AGAP1: variants seen among roughly 807,000 people sequenced by gnomAD.
AGAP1 encodes the protein ArfGAP with GTPase domain, ankyrin repeat and PH domain 1.
AGAP1 carries 29 observed loss-of-function variants against 105.3 expected under a neutral mutation model. That is an observed-to-expected ratio of 0.28 (90% CI 0.21 to 0.38). The LOEUF is 0.38. Among genes scored for constraint, AGAP1 ranks in the 10% least tolerant of loss-of-function variants. The pLI is 1.00. For missense variants in AGAP1, 998 were observed against 1,165.1 expected (o/e 0.86, Z 2.09); for synonymous variants, 509 against 485.9 (o/e 1.05, Z -0.63).
intron 1 of AGAP1, among the ~76,000 whole-genome samples, chr2:235,502,639 T>G (rs1459413304): frequency 6.6e-6 from 1 of 152,142 alleles, no homozygotes; most frequent in Non-Finnish European, 1.5e-5. Context: ...CTGTCTAATC[T>G]TTAAAACTGC....
In AGAP1 at chr2:235,552,465, T is replaced by C; in HGVS notation, c.163+57616T>C. Among the ~76,000 whole-genome samples, 1 of 152,142 alleles carries C rather than the reference T, an allele frequency of 6.6e-6. No homozygotes were observed. The highest frequency in any genetic ancestry group is 1.9e-4 in the East Asian group (1 of 5,178). ...AGAGCCATTGGCTGCTTGAGTGCAG[T>C]GCAGAGCACTGGGAAATGGACTTCC... On this transcript the variant is annotated intron_variant, in intron 1 of 17. Coordinates refer to ENST00000304032, the MANE Select transcript of AGAP1 (RefSeq NM_001037131.3). The surrounding 1 kb of genome is among the most constrained non-coding windows in gnomAD (Gnocchi z 5.9).
In AGAP1 at chr2:236,114,765, C is replaced by T. The variant is rs891758260; in HGVS notation, c.2115-5427C>T. Among the ~76,000 whole-genome samples, 5 of 152,204 alleles carry T rather than the reference C, an allele frequency of 3.3e-5. No individual in the cohort carries two copies. The highest frequency in any genetic ancestry group is 4.1e-4 in the South Asian group (2 of 4,832). On this transcript the variant is annotated intron_variant, in intron 16 of 17. Coordinates refer to ENST00000304032, the MANE Select transcript of AGAP1 (RefSeq NM_001037131.3). This position sits in a 1 kb window ranked among gnomAD's most constrained non-coding sequence, Gnocchi z 5.0. ...TCTCTTCCTGAAGACCCCATCTCCA[C>T]ATACAGCAACATTGAGGGTTAAAGC...
intron 13 of AGAP1, among the ~76,000 whole-genome samples, chr2:235,997,319 C>G (rs2125487836): frequency 6.6e-6 from 1 of 152,296 alleles, no homozygotes; most frequent in Admixed American, 6.5e-5. Flanking sequence ...GAACTCCTGA[C>G]CTCAGGTGAT....
At position 235,993,995 on chromosome 2, in the gene AGAP1, T is replaced by C. The variant is rs2055681994; in HGVS notation, c.1645+25372T>C. Among the ~76,000 whole-genome samples the C allele has an allele frequency of 6.6e-6, 1 of 152,098 alleles. No homozygotes were observed. Among genetic ancestry groups the C allele is most frequent in the Non-Finnish European group, 1.5e-5 (1 of 68,014 alleles). On this transcript the variant is annotated intron_variant, in intron 13 of 17. Coordinates refer to ENST00000304032, the MANE Select transcript of AGAP1 (RefSeq NM_001037131.3). This position sits in a 1 kb window ranked among gnomAD's most constrained non-coding sequence, Gnocchi z 5.0. ...CAGGTCCTAGGTGTTTTTTTTTAGC[T>C]TGGGAAAGTTACGATGACCCATAAG...
In AGAP1 at chr2:235,714,137, C is replaced by T. The variant is rs1246677296; in HGVS notation, c.223-3420C>T. On this transcript the variant is annotated intron_variant, in intron 2 of 17. Coordinates refer to ENST00000304032, the MANE Select transcript of AGAP1 (RefSeq NM_001037131.3). This position sits in a 1 kb window ranked among gnomAD's most constrained non-coding sequence, Gnocchi z 4.1. ...CAAGTGATTCTCCTGCCTCAGCCTC[C>T]TGAGTAGCTGGGATTACAGGCATGC... Among the ~76,000 whole-genome samples, 1 of 152,144 alleles carries T rather than the reference C, an allele frequency of 6.6e-6. No homozygotes were observed. Among genetic ancestry groups the T allele is most frequent in the Non-Finnish European group, 1.5e-5 (1 of 68,028 alleles).
intron 9 of AGAP1, among the ~76,000 whole-genome samples, chr2:235,821,549 C>A (rs1320696099): frequency 2.0e-5 from 3 of 152,008 alleles, no homozygotes; most frequent in Non-Finnish European, 2.9e-5. Context: ...ATTTTAACTT[C>A]ATGTTTTGAA....
intron 10 of AGAP1, among the ~76,000 whole-genome samples, chr2:235,896,920 T>C (rs11692292): frequency 0.37 from 56,485 of 151,976 alleles, 10,865 homozygotes; most frequent in Admixed American, 0.48. Context: ...TTATATACCC[T>C]CAGGGTTTGG....
intron 16 of AGAP1, 103 bp downstream of exon 16, chr2:236,049,384 T>C: frequency 9.3e-7 from 1 of 1,080,398 alleles, no homozygotes; most frequent in East Asian, 2.5e-5. Context: ...CCTGATAACC[T>C]GTAGGAATTC....
chr2:235,556,862 C>T lies in AGAP1; in HGVS notation c.163+62013C>T, dbSNP rs1407516120. Among the ~76,000 whole-genome samples the T allele has an allele frequency of 1.3e-5, 2 of 152,278 alleles. No homozygotes were observed. The highest frequency in any genetic ancestry group is 1.9e-4 in the East Asian group (1 of 5,178). Reference sequence around the variant, plus strand: ...GAAGTGTCTTGGCTAAATTCCTGACCTAAGCTTGTGTGGTCTTTTGCTCTT... The same window carrying T: ...GAAGTGTCTTGGCTAAATTCCTGACTTAAGCTTGTGTGGTCTTTTGCTCTT... On this transcript the variant is annotated intron_variant, in intron 1 of 17. Transcript: ENST00000304032. This position sits in a 1 kb window ranked among gnomAD's most constrained non-coding sequence, Gnocchi z 5.3.
intron 11 of AGAP1, among the ~76,000 whole-genome samples, chr2:235,917,246 AG>A (rs1470739720): frequency 6.6e-6 from 1 of 151,780 alleles, no homozygotes; most frequent in Non-Finnish European, 1.5e-5. Context: ...TTTCCAGGGG[AG>A]GTGGGGGAGG....
intron 10 of AGAP1, among the ~76,000 whole-genome samples, chr2:235,895,744 T>C (rs1575722523): frequency 1.6e-5 from 1 of 61,370 alleles, no homozygotes. Flanking sequence ...GATGGATGGA[T>C]GGATGAATGG....
rs1012749721 is a variant in AGAP1, at chr2:235,875,317, A to G, written c.1051-8028A>G. Among the ~76,000 whole-genome samples the G allele has an allele frequency of 6.6e-6, 1 of 152,210 alleles. No individual in the cohort carries two copies. The highest frequency in any genetic ancestry group is 6.5e-5 in the Admixed American group (1 of 15,290). On this transcript the variant is annotated intron_variant, in intron 9 of 17. Transcript: ENST00000304032. This position sits in a 1 kb window ranked among gnomAD's most constrained non-coding sequence, Gnocchi z 4.0. ...GTATTTTAAATTGTTGGGATGAACA[A>G]GCACTTTGGGTTCCTGAGATCTTAG...
At chr2:235,920,381 A>T (rs1234504723) in intron 11 of AGAP1, among the ~76,000 whole-genome samples, 1 of 152,188 alleles carries the variant, frequency 6.6e-6, no homozygotes, top group Non-Finnish European at 1.5e-5. Flanking sequence ...GCTCCAGCTC[A>T]CTGTCACCTG....
At chr2:235,593,286 G>A (rs1945412950) in intron 1 of AGAP1, among the ~76,000 whole-genome samples, 1 of 152,192 alleles carries the variant, frequency 6.6e-6, no homozygotes, top group African/African-American at 2.4e-5. Context: ...TGGAGGGATG[G>A]TGTTAACGCA....
intron 6 of AGAP1, among the ~76,000 whole-genome samples, chr2:235,776,048 A>C (rs1955834389): frequency 6.6e-6 from 1 of 152,198 alleles, no homozygotes; most frequent in South Asian, 2.1e-4. Flanking sequence ...TGTACGGCTT[A>C]GGAGACTGCG....
At position 235,906,627 on chromosome 2, in the gene AGAP1, G is replaced by A. The variant is rs553966761; in HGVS notation, c.1156-2111G>A. Among the ~76,000 whole-genome samples the A allele has an allele frequency of 7.9e-5, 12 of 151,752 alleles. No individual in the cohort carries two copies. Among genetic ancestry groups the A allele is most frequent in the African/African-American group, 2.7e-4 (11 of 41,066 alleles). On this transcript the variant is annotated intron_variant, in intron 10 of 17. Transcript: ENST00000304032. This position sits in a 1 kb window ranked among gnomAD's most constrained non-coding sequence, Gnocchi z 5.3. ...CTGGTTTGACTCCATGTGGCAGCCT[G>A]TAAGTCATGTTGGTTGCGGGAAGGT...
intron 9 of AGAP1, chr2:235,853,123 G>A: frequency 8.3e-7 from 1 of 1,204,818 alleles, no homozygotes; most frequent in Non-Finnish European, 1.0e-6. Context: ...TTTTTTTAAA[G>A]AAAAAAACAT....
At chr2:235,795,395 C>G (rs532158013) in intron 6 of AGAP1, among the ~76,000 whole-genome samples, 2 of 152,206 alleles carry the variant, frequency 1.3e-5, no homozygotes, top group South Asian at 4.1e-4. Flanking sequence ...AGTCAGTTTG[C>G]ATTTTCAAGA....
intron 6 of AGAP1, chr2:235,773,799 A>T (rs1480734492): frequency 5.2e-6 from 2 of 384,484 alleles, no homozygotes; most frequent in Non-Finnish European, 1.0e-5. Context: ...TCTTCTAATT[A>T]GTTGAGTGCC....
Sources: gnomAD v4.1 joint callset for allele counts (sites outside exome capture counted in the v4.1 genomes callset) on GRCh38, gnomAD v4.1.1 for gene constraint, Gnocchi (gnomAD v3.1) non-coding constraint, MANE v1.5 for transcripts, NCBI Gene and HGNC (gene_info 2026-07-23, HGNC 2026-07-21) for gene names.